Variants in GRIK4 observed in about 807,000 individuals in gnomAD.
The protein encoded by GRIK4 is glutamate ionotropic receptor kainate type subunit 4, also known as glutamate receptor ionotropic, kainate 4.
Under a neutral mutation model 104.9 loss-of-function variants are expected in GRIK4, and 40 were observed. The observed-to-expected ratio is 0.38, with a 90% CI of 0.30 to 0.50. The LOEUF (loss-of-function observed/expected upper bound fraction) is 0.50, where lower values mean the gene tolerates loss of function less well. Ranked by LOEUF, GRIK4 falls within the 20% of genes least tolerant of loss-of-function variation. The pLI, the probability that GRIK4 is intolerant of heterozygous loss-of-function variation, is 0.93. For synonymous variants in GRIK4, 485 were observed against 524.9 expected, an observed-to-expected ratio of 0.92 and a Z score of 1.04; for missense variants, 1,047 against 1,308.1, an observed-to-expected ratio of 0.80 and a Z score of 3.08.
chr11:120,917,247 CAAA>C (rs199620498), intron 13 of GRIK4, among the ~76,000 whole-genome samples: 19 of 34,802 alleles, frequency 5.5e-4, no homozygotes, highest in Non-Finnish European at 6.8e-4. Context: ...AACTCCGTCT[CAAA>C]AAAAAAAAAA....
chr11:120,637,136 T>G (rs1444958985), intron 1 of GRIK4, among the ~76,000 whole-genome samples: 6 of 126,008 alleles, frequency 4.8e-5, no homozygotes, highest in South Asian at 2.5e-4. Context: ...GGGAAGGAGG[T>G]GAGAGGGAGA....
chr11:120,646,782 T>C (rs1425333585), intron 1 of GRIK4, among the ~76,000 whole-genome samples: 1 of 152,138 alleles, frequency 6.6e-6, no homozygotes, highest in Non-Finnish European at 1.5e-5. Context: ...GGAAGAAGAA[T>C]GCTAGGAACT....
Position 120,785,040 on chromosome 11 carries a change from G to T in GRIK4, c.83-17653G>T, listed in dbSNP as rs537725600. Among the ~76,000 whole-genome samples the T allele has an allele frequency of 3.4e-4, 50 of 148,592 alleles. No homozygotes were observed. In the South Asian group the frequency reaches 7.5e-3, roughly 22 times the overall value. On this transcript the variant is annotated intron_variant, in intron 3 of 20. Coordinates refer to ENST00000527524, the MANE Select transcript of GRIK4 (RefSeq NM_014619.5). ...GCATCTTTGTCTGCACTAGACCTAT[G>T]AAGGCTCCCAGCAGCCCCCATCACT...
At chr11:120,708,921 G>C (rs573051601) in intron 3 of GRIK4, among the ~76,000 whole-genome samples, 4 of 89,522 alleles carry the variant, frequency 4.5e-5, no homozygotes, top group African/African-American at 3.6e-4. Context: ...GGCTGCTTTC[G>C]ATGGGCCAGA....
intron 3 of GRIK4, among the ~76,000 whole-genome samples, chr11:120,665,997 C>T (rs947075731): frequency 8.5e-5 from 13 of 152,152 alleles, no homozygotes; most frequent in Non-Finnish European, 1.8e-4. Flanking sequence ...GTAATCTCTT[C>T]TACTGAGAGG....
chr11:120,679,874 C>G (rs527995171), intron 3 of GRIK4, among the ~76,000 whole-genome samples: 1 of 152,342 alleles, frequency 6.6e-6, no homozygotes, highest in Admixed American at 6.5e-5. Flanking sequence ...CCATCCCTAT[C>G]CCTACCGTAA....
At chr11:120,870,735 T>A (rs564129191) in intron 9 of GRIK4, 1 of 152,104 alleles carries the variant, frequency 6.6e-6, no homozygotes, top group Non-Finnish European at 1.5e-5. Flanking sequence ...AGTGGTTTTT[T>A]TTTTTTTTGG....
At position 120,933,396 on chromosome 11, in the gene GRIK4, TCAA is replaced by T. The variant is rs1565447603; in HGVS notation, c.1477-6950_1477-6948del. Among the ~76,000 whole-genome samples the T allele has an allele frequency of 2.4e-4, 36 of 152,278 alleles. No individual in the cohort carries two copies. The East Asian group carries it at 6.7e-3, about 29-fold the overall frequency. On this transcript the variant is annotated intron_variant, in intron 13 of 20. Transcript: ENST00000527524. Reference sequence around the variant, plus strand: ...AGCAAAGACTTACTGGCTACTTACTTCAAACCAGGCCCCATGCTCAGCATTTAC... The same window carrying T: ...AGCAAAGACTTACTGGCTACTTACTTACCAGGCCCCATGCTCAGCATTTAC...
chr11:120,953,613 G>C lies in GRIK4; in HGVS notation c.1700+649G>C, dbSNP rs547993478. Among the ~76,000 whole-genome samples the C allele has an allele frequency of 3.9e-5, 6 of 152,154 alleles. No homozygotes were observed. Among genetic ancestry groups the C allele is most frequent in the African/African-American group, 2.4e-5 (1 of 41,440 alleles). On this transcript the variant is annotated intron_variant, in intron 15 of 20. Coordinates refer to ENST00000527524, the MANE Select transcript of GRIK4 (RefSeq NM_014619.5). This position sits in a 1 kb window ranked among gnomAD's most constrained non-coding sequence, Gnocchi z 4.9. ...TGAGACGCACGGGCCAGACCAGGGA[G>C]GGGGGAGAATAAGCCCTGCCCTATC...
chr11:120,935,788 C>T (rs891546213), intron 13 of GRIK4, among the ~76,000 whole-genome samples: 10 of 152,172 alleles, frequency 6.6e-5, no homozygotes, highest in African/African-American at 2.4e-4. Flanking sequence ...TTTGTGCCAA[C>T]TTACAACCCC....
chr11:120,988,058 G>A lies in GRIK4; in HGVS notation c.*1798G>A, dbSNP rs770041924. On this transcript the variant is annotated 3_prime_UTR_variant, in exon 21 of 21. Transcript: ENST00000527524. ...CATGTTTTTGCCATTTGGGTTGGTC[G>A]GCATCCTCTTTATGCCAGGACAATC... The A allele has an allele frequency of 6.6e-6, 1 of 152,104 alleles. No individual in the cohort carries two copies. The highest frequency in any genetic ancestry group is 2.4e-5 in the African/African-American group (1 of 41,402). The allele number at this position is 152,104 out of a possible 1,614,324, so 9.4% of individuals were successfully genotyped here. A position where few individuals can be genotyped will look rare whatever the true frequency, so the allele number is the denominator to read the frequency against.
intron 3 of GRIK4, among the ~76,000 whole-genome samples, chr11:120,754,203 G>T (rs1435786667): frequency 6.6e-6 from 1 of 151,988 alleles, no homozygotes; most frequent in Non-Finnish European, 1.5e-5. Context: ...GCTAATTTTT[G>T]TATTTTTAGT....
At chr11:120,914,782 G>C (rs2134544117) in intron 13 of GRIK4, among the ~76,000 whole-genome samples, 1 of 152,268 alleles carries the variant, frequency 6.6e-6, no homozygotes, top group South Asian at 2.1e-4. Flanking sequence ...TTCAAAGAGG[G>C]GAGTGGCATA....
chr11:120,773,256 T>G (rs1172063609), intron 3 of GRIK4, among the ~76,000 whole-genome samples: 1 of 152,220 alleles, frequency 6.6e-6, no homozygotes, highest in African/African-American at 2.4e-5. Flanking sequence ...TCAAATGTTC[T>G]GCCTCAAGAA....
intron 1 of GRIK4, among the ~76,000 whole-genome samples, chr11:120,565,192 C>T (rs1948305126): frequency 6.6e-6 from 1 of 152,220 alleles, no homozygotes; most frequent in Non-Finnish European, 1.5e-5. Context: ...CCAGCTGTCC[C>T]GGCCGCCGCC....
chr11:120,960,259 G>C (rs1207693133), intron 16 of GRIK4, among the ~76,000 whole-genome samples: 1 of 152,060 alleles, frequency 6.6e-6, no homozygotes, highest in African/African-American at 2.4e-5. Context: ...AATCCACGAG[G>C]TGGAGGTTGC....
Position 120,940,662 on chromosome 11 carries a change from G to C in GRIK4, c.1590+202G>C, listed in dbSNP as rs1226203122. Among the ~76,000 whole-genome samples the C allele has an allele frequency of 6.6e-6, 1 of 152,198 alleles. No homozygotes were observed. Among genetic ancestry groups the C allele is most frequent in the East Asian group, 1.9e-4 (1 of 5,200 alleles). ...AAAAGTCATGCTTGTGGGCTTTCCA[G>C]TAAAAATTACTTCTGCCTCTCTGAA... On this transcript the variant is annotated intron_variant, in intron 14 of 20. Transcript: ENST00000527524. This position sits in a 1 kb window ranked among gnomAD's most constrained non-coding sequence, Gnocchi z 4.3.
intron 14 of GRIK4, among the ~76,000 whole-genome samples, chr11:120,943,152 C>CACA (rs1413495598): frequency 0.14 from 13,543 of 95,140 alleles, 1,017 homozygotes; most frequent in East Asian, 0.21. Flanking sequence ...ACACACACAC[C>CACA]CCCCTGACTG....
intron 3 of GRIK4, among the ~76,000 whole-genome samples, chr11:120,778,370 G>A (rs1027471350): frequency 5.9e-5 from 9 of 152,282 alleles, no homozygotes; most frequent in Middle Eastern, 3.4e-3. Flanking sequence ...AGATAAATTT[G>A]TTTTGTGGAT....
Sources: allele counts gnomAD v4.1 joint callset (sites outside exome capture counted in the v4.1 genomes callset), GRCh38; gene constraint gnomAD v4.1.1; non-coding constraint Gnocchi (gnomAD v3.1); transcripts MANE v1.5; gene names NCBI Gene and HGNC (gene_info 2026-07-23, HGNC 2026-07-21).